The following RNLS variants were observed in gnomAD, a reference collection of about 807,000 sequenced individuals.
RNLS encodes the protein renalase, FAD dependent amine oxidase.
RNLS carries 39 observed loss-of-function variants against 39.8 expected under a neutral mutation model. That is an observed-to-expected ratio of 0.98 (90% confidence interval 0.76 to 1.28). RNLS has a LOEUF of 1.28. Ranked by LOEUF, RNLS falls within the 50% of genes most tolerant of loss-of-function variation. The probability of loss-of-function intolerance (pLI) is 0.00; values close to 1 mark genes in which losing one functional copy is unlikely to be tolerated. For synonymous variants in RNLS, 147 were observed against 150.7 expected, an observed-to-expected ratio of 0.98 and a Z score of 0.18; for missense variants, 410 against 413.3, an observed-to-expected ratio of 0.99 and a Z score of 0.07.
chr10:88,377,343 G>GA (rs1462927704), intron 4 of RNLS, among the ~76,000 whole-genome samples: 4 of 152,062 alleles, frequency 2.6e-5, no homozygotes, highest in South Asian at 2.1e-4. Context: ...AAGCTACAGG[G>GA]AAAAAATGCA....
At chr10:88,468,559 T>C (rs185450601) in intron 4 of RNLS, among the ~76,000 whole-genome samples, 11 of 149,410 alleles carry the variant, frequency 7.4e-5, no homozygotes, top group African/African-American at 2.7e-4. Context: ...TGTAGAGCTC[T>C]TGTAACTGGA....
At position 88,581,634 on chromosome 10, in the gene RNLS, T is replaced by G. The variant is rs761814235; in HGVS notation, c.300A>C (p.Glu100Asp). 3 of 1,607,892 alleles carry G rather than the reference T, an allele frequency of 1.9e-6. No individual in the cohort carries two copies. In the Admixed American group the frequency reaches 5.1e-5, roughly 27 times the overall value. ...SSPIEGMVMK[E>D]GDCNFVAPQG... ...GAGGTGCCACAAAGTTACAGTCTCC[T>G]TCTTTCATCACCATTCCTTCAATAG... The change falls in exon 3 of 7, where the codon GAA (glutamate) becomes GAC (aspartate). Residue 100 changes from glutamate to aspartate, a missense_variant. Glu to Asp is a conservative substitution (Grantham distance 45). Coordinates refer to ENST00000331772, the MANE Select transcript of RNLS (RefSeq NM_001031709.3).
intron 6 of RNLS, chr10:88,309,585 G>A (rs571189962): frequency 1.0e-5 from 6 of 579,538 alleles, no homozygotes; most frequent in African/African-American, 5.8e-5. Flanking sequence ...GCTGGAAAAG[G>A]CCTGAAGGAG....
At chr10:88,388,646 C>T (rs1564758102) in intron 4 of RNLS, among the ~76,000 whole-genome samples, 1 of 152,198 alleles carries the variant, frequency 6.6e-6, no homozygotes, top group Non-Finnish European at 1.5e-5. Context: ...CCTACTCTCA[C>T]AAGCTGTGTG....
At chr10:88,340,087 T>C (rs1399209006) in intron 5 of RNLS, among the ~76,000 whole-genome samples, 1 of 152,234 alleles carries the variant, frequency 6.6e-6, no homozygotes, top group Non-Finnish European at 1.5e-5. Context: ...TTGGAAATTC[T>C]CAATATCTTG....
intron 4 of RNLS, among the ~76,000 whole-genome samples, chr10:88,477,311 G>C (rs140801790): frequency 1.3e-5 from 2 of 152,136 alleles, no homozygotes; most frequent in African/African-American, 4.8e-5. Flanking sequence ...TGCCTTGATG[G>C]TATGAGCAAG....
chr10:88,187,198 T>TAATATATATAATATATATATA, the RNLS span, among the ~76,000 whole-genome samples: 116 of 13,824 alleles, frequency 8.4e-3, 4 homozygotes, highest in Non-Finnish European at 0.011. Context: ...ATATATATAA[T>TAATATATATAATATATATATA]ATATATATAA....
chr10:88,583,165 G>A lies in RNLS; in HGVS notation c.26C>T (p.Ala9Val). 3 of 1,614,030 alleles carry A rather than the reference G, an allele frequency of 1.9e-6. No homozygotes were observed. The highest frequency in any genetic ancestry group is 2.5e-6 in the Non-Finnish European group (3 of 1,179,942). ...AGCGCACAAGCTTCCTGTCATCCCG[G>A]CGCCCACGATCAGCACCTGCGCCAT... MAQVLIVG[A>V]GMTGSLCAAL... The change falls in exon 1 of 7, where the codon GCC (alanine) becomes GTC (valine). Residue 9 changes from alanine (A) to valine (V), a missense_variant. Coordinates refer to ENST00000331772, the MANE Select transcript of RNLS (RefSeq NM_001031709.3).
At chr10:88,448,214 A>G (rs1039779593) in intron 4 of RNLS, among the ~76,000 whole-genome samples, 3 of 152,384 alleles carry the variant, frequency 2.0e-5, no homozygotes, top group Non-Finnish European at 4.4e-5. Context: ...CATCAGAGTG[A>G]ACAGGCAACC....
the RNLS span, among the ~76,000 whole-genome samples, chr10:88,227,180 T>A: frequency 6.6e-6 from 1 of 152,204 alleles, no homozygotes; most frequent in Non-Finnish European, 1.5e-5. Flanking sequence ...TGCTGATTCA[T>A]GCTTTAAATC....
intron 5 of RNLS, among the ~76,000 whole-genome samples, chr10:88,325,233 C>T (rs1036954808): frequency 2.0e-5 from 3 of 152,180 alleles, no homozygotes; most frequent in African/African-American, 7.2e-5. Flanking sequence ...TTTCCATAGG[C>T]TGTACCATTT....
intron 5 of RNLS, among the ~76,000 whole-genome samples, chr10:88,348,064 G>A (rs112970945): frequency 6.4e-4 from 98 of 152,188 alleles, no homozygotes; most frequent in African/African-American, 1.6e-3. Context: ...GAAAGACTGC[G>A]CCAGTTCCCA....
At chr10:88,324,665 A>G (rs181953748) in intron 5 of RNLS, among the ~76,000 whole-genome samples, 69 of 152,278 alleles carry the variant, frequency 4.5e-4, no homozygotes, top group African/African-American at 1.5e-3. Context: ...CGCCAGCATT[A>G]CACAATATAC....
At chr10:88,459,765 CT>C (rs1371943451) in intron 4 of RNLS, among the ~76,000 whole-genome samples, 1 of 152,162 alleles carries the variant, frequency 6.6e-6, no homozygotes, top group East Asian at 1.9e-4. Context: ...TCAGGTCAGC[CT>C]TCTGTTCACT....
At chr10:88,237,885 G>T in the RNLS span, among the ~76,000 whole-genome samples, 208 of 152,256 alleles carry the variant, frequency 1.4e-3, 1 homozygote, top group African/African-American at 4.7e-3. Context: ...GGTAACAAAA[G>T]GTTAATTAAC....
At chr10:88,565,903 C>T (rs1460660616) in intron 4 of RNLS, among the ~76,000 whole-genome samples, 4 of 151,782 alleles carry the variant, frequency 2.6e-5, no homozygotes, top group Admixed American at 6.6e-5. Context: ...GCGCACTCCA[C>T]CACACCCAGC....
chr10:88,308,288 A>T (rs1258451970), intron 6 of RNLS, among the ~76,000 whole-genome samples: 1 of 152,228 alleles, frequency 6.6e-6, no homozygotes, highest in Non-Finnish European at 1.5e-5. Context: ...AAAAATTGAC[A>T]AATGAGATCT....
In RNLS at chr10:88,581,665, C is replaced by CT; in HGVS notation, c.268dup (p.Ser90LysfsTer5). 6.3e-7 allele frequency: 1 copy of CT among 1,598,796 alleles called. No individual in the cohort carries two copies. Among genetic ancestry groups the CT allele is most frequent in the Middle Eastern group, 1.7e-4 (1 of 6,018 alleles). On this transcript the variant is annotated frameshift_variant, in exon 3 of 7. Coordinates refer to ENST00000331772, the MANE Select transcript of RNLS (RefSeq NM_001031709.3). LOFTEE classifies it high-confidence loss of function. Reference sequence around the variant, plus strand: ...CATCACCATTCCTTCAATAGGCGAGCTTAGAGGCCTCAAAACGCCATAGGC... The same window carrying CT: ...CATCACCATTCCTTCAATAGGCGAGCTTTAGAGGCCTCAAAACGCCATAGGC...
downstream of RNLS, among the ~76,000 whole-genome samples, chr10:88,271,766 T>A (rs527777437): frequency 1.1e-4 from 16 of 152,312 alleles, no homozygotes; most frequent in East Asian, 3.1e-3. Flanking sequence ...AGGGCCCAAA[T>A]CAAATACCCA....
Sources: allele counts gnomAD v4.1 joint callset (sites outside exome capture counted in the v4.1 genomes callset), GRCh38; gene constraint gnomAD v4.1.1; transcripts MANE v1.5; gene names NCBI Gene and HGNC (gene_info 2026-07-23, HGNC 2026-07-21).